The following CHLSN variants were observed in gnomAD, a reference collection of about 807,000 sequenced individuals.
The protein encoded by CHLSN is protein cholesin.
chr7:1,089,707 C>CTTT, the CHLSN span, among the ~76,000 whole-genome samples: 3 of 124,168 alleles, frequency 2.4e-5, no homozygotes, highest in South Asian at 5.3e-4. Context: ...ATAGGCCAGC[C>CTTT]TTTTTTTTTT....
the CHLSN span, among the ~76,000 whole-genome samples, chr7:1,067,989 C>T: frequency 6.3e-4 from 96 of 152,310 alleles, no homozygotes; most frequent in Non-Finnish European, 9.4e-4. Flanking sequence ...GAATCACCGC[C>T]ATGCTCAGTC....
chr7:1,013,876 C>T, the CHLSN span, among the ~76,000 whole-genome samples: 1 of 152,360 alleles, frequency 6.6e-6, no homozygotes, highest in East Asian at 1.9e-4. Context: ...TCCAGCCACA[C>T]ATTCTGTCTC....
the CHLSN span, among the ~76,000 whole-genome samples, chr7:1,084,102 T>C: frequency 0.69 from 105,340 of 152,208 alleles, 37,828 homozygotes; most frequent in African/African-American, 0.89. Context: ...ATGCAGAAAT[T>C]GGAGCAGAGT....
At chr7:1,021,368 G>A in the CHLSN span, 24 of 985,240 alleles carry the variant, frequency 2.4e-5, no homozygotes, top group Non-Finnish European at 2.5e-5. Flanking sequence ...GACCTTGACA[G>A]AGATGATATT....
At chr7:1,092,830 G>A in the CHLSN span, 4 of 1,613,110 alleles carry the variant, frequency 2.5e-6, no homozygotes, top group Non-Finnish European at 3.4e-6. Context: ...CGAGCAGTCG[G>A]ATGTGAGGTT....
the CHLSN span, chr7:1,027,177 G>A: frequency 2.6e-5 from 4 of 152,230 alleles, no homozygotes; most frequent in African/African-American, 9.7e-5. Flanking sequence ...ACTCACATCT[G>A]GGAACTAAGT....
At chr7:1,012,240 A>G in the CHLSN span, among the ~76,000 whole-genome samples, 43 of 152,326 alleles carry the variant, frequency 2.8e-4, 2 homozygotes, top group African/African-American at 9.4e-4. Context: ...GTCAGCCCAC[A>G]TGCGTGGGGC....
chr7:1,022,186 G>T, the CHLSN span, among the ~76,000 whole-genome samples: 1 of 152,196 alleles, frequency 6.6e-6, no homozygotes, highest in African/African-American at 2.4e-5. Flanking sequence ...AGGAGGGAAG[G>T]ACCAGAAGCC....
chr7:987,499 G>C, the CHLSN span: 20 of 1,543,762 alleles, frequency 1.3e-5, no homozygotes, highest in African/African-American at 1.9e-4. Context: ...CACCGCGGCC[G>C]ACACACAGCT....
At chr7:1,101,045 G>A in the CHLSN span, among the ~76,000 whole-genome samples, 1 of 152,234 alleles carries the variant, frequency 6.6e-6, no homozygotes, top group Admixed American at 6.5e-5. Flanking sequence ...CCGTTTCAGG[G>A]AACACAGGCC....
At chr7:1,104,658 C>T in the CHLSN span, among the ~76,000 whole-genome samples, 2 of 152,182 alleles carry the variant, frequency 1.3e-5, no homozygotes, top group Non-Finnish European at 2.9e-5. Context: ...TGTTTATGCG[C>T]CTGACAGCAG....
At chr7:1,116,658 T>G in the CHLSN span, among the ~76,000 whole-genome samples, 1 of 51,430 alleles carries the variant, frequency 1.9e-5, no homozygotes. Flanking sequence ...CCGGCTTCCA[T>G]CACCGACGTC....
chr7:1,115,744 G>T, the CHLSN span, among the ~76,000 whole-genome samples: 2 of 99,662 alleles, frequency 2.0e-5, no homozygotes, highest in Non-Finnish European at 4.0e-5. Context: ...CGACGCCCAC[G>T]CAGGATGATG....
chr7:983,310 G>A, the CHLSN span: 70 of 1,540,138 alleles, frequency 4.5e-5, no homozygotes, highest in Non-Finnish European at 5.6e-5. Context: ...GGTGGCCCCC[G>A]GGGCCTCGCC....
At chr7:1,041,309 G>GCACTGCGGGGAACGGGACCTGGGC in the CHLSN span, among the ~76,000 whole-genome samples, 26 of 43,246 alleles carry the variant, frequency 6.0e-4, no homozygotes, top group Admixed American at 2.3e-3. Context: ...GGGACCTGGG[G>GCACTGCGGGGAACGGGACCTGGGC]TCCGCGCTGC....
chr7:997,668 C>T, the CHLSN span: 5 of 1,610,186 alleles, frequency 3.1e-6, no homozygotes, highest in African/African-American at 1.3e-5. Context: ...CTGGGCCCTC[C>T]CCGGCAGGGG....
chr7:1,000,102 G>A, the CHLSN span, among the ~76,000 whole-genome samples: 21 of 152,362 alleles, frequency 1.4e-4, no homozygotes, highest in African/African-American at 3.4e-4. Context: ...GAAGGCCGGC[G>A]GCAGGGCTCC....
the CHLSN span, among the ~76,000 whole-genome samples, chr7:1,041,158 G>A: frequency 3.9e-5 from 6 of 152,258 alleles, no homozygotes; most frequent in Admixed American, 1.3e-4. Context: ...GCCCCTGCAC[G>A]GCAAGGTGGT....
the CHLSN span, among the ~76,000 whole-genome samples, chr7:980,416 C>T: frequency 6.6e-6 from 1 of 152,264 alleles, no homozygotes; most frequent in Non-Finnish European, 1.5e-5. Flanking sequence ...CACGTCTCTG[C>T]AGGGCGCTGG....
Sources: allele counts gnomAD v4.1 joint callset (sites outside exome capture counted in the v4.1 genomes callset), GRCh38; gene constraint gnomAD v4.1.1; transcripts MANE v1.5; gene names NCBI Gene and HGNC (gene_info 2026-07-23, HGNC 2026-07-21).